Variants in PTPRD observed in about 807,000 individuals in gnomAD.
PTPRD encodes receptor-type tyrosine-protein phosphatase delta.
PTPRD carries 34 observed loss-of-function variants against 214.5 expected under a neutral mutation model. The ratio of observed to expected loss-of-function variants is 0.16; its 90% CI spans 0.12 to 0.21. The LOEUF is 0.21. Ranked by LOEUF, PTPRD falls within the 10% of genes least tolerant of loss-of-function variation. The pLI is 1.00. For missense variants in PTPRD, 2,545 were observed against 2,398.7 expected (o/e 1.06, Z -1.27); for synonymous variants, 1,128 against 845.7 (o/e 1.33, Z -5.79).
chr9:10,291,493 A>C (rs776500430), intron 3 of PTPRD, among the ~76,000 whole-genome samples: 4 of 152,082 alleles, frequency 2.6e-5, no homozygotes, highest in Non-Finnish European at 5.9e-5. Flanking sequence ...AGTGTTTTTA[A>C]TAAACAGTGG....
chr9:9,753,286 A>G (rs146138830), intron 6 of PTPRD, among the ~76,000 whole-genome samples: 29 of 152,084 alleles, frequency 1.9e-4, no homozygotes, highest in African/African-American at 6.7e-4. Flanking sequence ...AAACGTTTCA[A>G]AAAACACTCA....
chr9:10,356,837 GC>G (rs2097288473), intron 2 of PTPRD, among the ~76,000 whole-genome samples: 1 of 151,844 alleles, frequency 6.6e-6, no homozygotes, highest in African/African-American at 2.4e-5. Flanking sequence ...CTGCCACCAT[GC>G]CCGGCTAATT....
chr9:8,855,961 T>C (rs909026994), intron 11 of PTPRD, among the ~76,000 whole-genome samples: 1 of 152,156 alleles, frequency 6.6e-6, no homozygotes, highest in Non-Finnish European at 1.5e-5. Flanking sequence ...TTAAGAAATC[T>C]GCCACAGAAT....
chr9:8,331,468 T>TAATACATTGCCAAGAATAAA lies in PTPRD; in HGVS notation c.5534+94_5534+113dup. The TAATACATTGCCAAGAATAAA allele has an allele frequency of 4.1e-6, 5 of 1,205,474 alleles. No individual in the cohort carries two copies. In the South Asian group the frequency reaches 6.0e-5, roughly 15 times the overall value. 74.7% of individuals were successfully genotyped at this position (1,205,474 alleles called of 1,614,324 possible). Reference sequence around the variant, plus strand: ...GAAATCAATCCTGCTTTAAGTTTTGTAATACATTGCCAAGAATAAAATTTC... The same window carrying TAATACATTGCCAAGAATAAA: ...GAAATCAATCCTGCTTTAAGTTTTGTAATACATTGCCAAGAATAAAAATACATTGCCAAGAATAAAATTTC... On this transcript the variant is annotated intron_variant, in intron 44 of 45. Transcript: ENST00000381196.
intron 11 of PTPRD, among the ~76,000 whole-genome samples, chr9:8,880,270 T>C (rs1291249511): frequency 6.6e-6 from 1 of 152,110 alleles, no homozygotes; most frequent in Non-Finnish European, 1.5e-5. Flanking sequence ...AGCATATAAA[T>C]GGCAACTGTC....
intron 4 of PTPRD, among the ~76,000 whole-genome samples, chr9:10,018,708 C>T (rs1390504484): frequency 1.4e-4 from 21 of 150,008 alleles, no homozygotes; most frequent in Non-Finnish European, 2.4e-4. Context: ...CCACTACGCC[C>T]GGCTAATTTT....
chr9:9,079,751 G>T (rs952407959), intron 10 of PTPRD, among the ~76,000 whole-genome samples: 4 of 152,028 alleles, frequency 2.6e-5, no homozygotes, highest in African/African-American at 9.7e-5. Context: ...ATCACAATAT[G>T]TATGCACTTA....
At chr9:9,657,023 G>C (rs2096531993) in intron 7 of PTPRD, among the ~76,000 whole-genome samples, 1 of 152,054 alleles carries the variant, frequency 6.6e-6, no homozygotes, top group African/African-American at 2.4e-5. Context: ...TTGATGTGTA[G>C]TATGCACTCA....
intron 9 of PTPRD, among the ~76,000 whole-genome samples, chr9:9,296,826 AT>A (rs1349188263): frequency 6.6e-6 from 1 of 151,796 alleles, no homozygotes. Context: ...CAAATTTTAC[AT>A]TACTTTTGAT....
intron 2 of PTPRD, among the ~76,000 whole-genome samples, chr9:10,457,040 G>GA (rs774635131): frequency 4.6e-5 from 7 of 151,878 alleles, no homozygotes; most frequent in Non-Finnish European, 7.4e-5. Context: ...TTAAATGTCA[G>GA]AAAAAATATT....
chr9:8,660,345 C>T (rs1293241168), intron 12 of PTPRD, among the ~76,000 whole-genome samples: 4 of 152,072 alleles, frequency 2.6e-5, no homozygotes, highest in African/African-American at 4.8e-5. Flanking sequence ...TTTCCTTTTC[C>T]GCTTTTGATT....
intron 7 of PTPRD, among the ~76,000 whole-genome samples, chr9:9,619,949 A>G (rs951274713): frequency 2.0e-5 from 3 of 151,490 alleles, no homozygotes; most frequent in Non-Finnish European, 2.9e-5. Context: ...CTACATATAG[A>G]TAGAAATATC....
chr9:9,212,896 G>A (rs924427644), intron 9 of PTPRD, among the ~76,000 whole-genome samples: 7 of 152,028 alleles, frequency 4.6e-5, no homozygotes, highest in African/African-American at 1.7e-4. Flanking sequence ...TGTGACTTGA[G>A]GTCATTTGAA....
intron 23 of PTPRD, among the ~76,000 whole-genome samples, chr9:8,504,033 T>A (rs2097483290): frequency 6.6e-6 from 1 of 152,184 alleles, no homozygotes; most frequent in African/African-American, 2.4e-5. Flanking sequence ...CTACCTTCTT[T>A]AAAAGTCTTT....
chr9:10,589,856 C>A (rs368412394), intron 2 of PTPRD, among the ~76,000 whole-genome samples: 1 of 151,994 alleles, frequency 6.6e-6, no homozygotes, highest in Non-Finnish European at 1.5e-5. Context: ...CTGCCTGGAA[C>A]GCCTAAGAAT....
chr9:8,399,096 CT>C (rs371669292), intron 36 of PTPRD, among the ~76,000 whole-genome samples: 47 of 137,728 alleles, frequency 3.4e-4, no homozygotes, highest in South Asian at 1.8e-3. Context: ...GCCCACTAAG[CT>C]TTTTTTTTTT....
intron 10 of PTPRD, among the ~76,000 whole-genome samples, chr9:9,033,796 T>C (rs1422801808): frequency 1.3e-5 from 2 of 152,172 alleles, no homozygotes; most frequent in African/African-American, 4.8e-5. Context: ...ACACCATGAC[T>C]TTTTGCTGTT....
chr9:8,697,550 G>A (rs1295889381), intron 12 of PTPRD, among the ~76,000 whole-genome samples: 1 of 150,596 alleles, frequency 6.6e-6, no homozygotes, highest in Non-Finnish European at 1.5e-5. Context: ...AGCCTCCTGA[G>A]TAGCTGGACT....
intron 11 of PTPRD, among the ~76,000 whole-genome samples, chr9:8,792,457 C>T (rs998316890): frequency 4.6e-5 from 7 of 152,074 alleles, no homozygotes; most frequent in Middle Eastern, 3.2e-3. Flanking sequence ...TTCTAATGGG[C>T]GGCAGAAGCA....
Sources: gnomAD v4.1 joint callset for allele counts (sites outside exome capture counted in the v4.1 genomes callset) on GRCh38, gnomAD v4.1.1 for gene constraint, MANE v1.5 for transcripts, NCBI Gene and HGNC (gene_info 2026-07-23, HGNC 2026-07-21) for gene names.